Variants in HP1BP3 observed in about 807,000 individuals in gnomAD.
The protein encoded by HP1BP3 is heterochromatin protein 1-binding protein 3.
A neutral mutation model predicts 62.5 loss-of-function variants in HP1BP3; 12 were observed. The observed-to-expected ratio is 0.19, with a 90% CI of 0.12 to 0.31. The LOEUF (loss-of-function observed/expected upper bound fraction) is 0.31. Ranked by LOEUF, HP1BP3 falls within the 10% of genes least tolerant of loss-of-function variation. The pLI is 1.00. For missense variants in HP1BP3, 502 were observed against 651.8 expected (o/e 0.77, Z 2.50); for synonymous variants, 260 against 237.8 (o/e 1.09, Z -0.86).
Position 20,744,613 on chromosome 1 carries a change from G to A in HP1BP3, c.*184C>T. The A allele has an allele frequency of 1.7e-6, 1 of 593,764 alleles. No homozygotes were observed. Among genetic ancestry groups the A allele is most frequent in the South Asian group, 2.2e-5 (1 of 46,482 alleles). The allele number at this position is 593,764 out of a possible 1,614,324, so 36.8% of individuals were successfully genotyped here. On this transcript the variant is annotated 3_prime_UTR_variant, in exon 13 of 13. Coordinates refer to ENST00000438032, the MANE Select transcript of HP1BP3 (RefSeq NM_001372052.1). Reference sequence around the variant, plus strand: ...ATTAAAATGAACAAGGAAAAGGGCAGGCACCAATAAAAGCACCTAAAGCTA... The same window carrying A: ...ATTAAAATGAACAAGGAAAAGGGCAAGCACCAATAAAAGCACCTAAAGCTA...
chr1:20,747,864 A>G (rs930960019), intron 10 of HP1BP3, among the ~76,000 whole-genome samples: 27 of 152,184 alleles, frequency 1.8e-4, no homozygotes, highest in Non-Finnish European at 3.7e-4. Flanking sequence ...ACATACATAC[A>G]TACATATATC....
intron 8 of HP1BP3, among the ~76,000 whole-genome samples, chr1:20,762,690 T>C (rs577975338): frequency 4.6e-5 from 7 of 152,212 alleles, no homozygotes; most frequent in African/African-American, 1.2e-4. Context: ...GCCCCCTCCC[T>C]GATTTGAGTT....
At chr1:20,760,492 G>A (rs990691197) in intron 8 of HP1BP3, among the ~76,000 whole-genome samples, 2 of 151,804 alleles carry the variant, frequency 1.3e-5, no homozygotes, top group East Asian at 1.9e-4. Flanking sequence ...CATGAGCCAC[G>A]ATCTTGCCAC....
intron 8 of HP1BP3, among the ~76,000 whole-genome samples, chr1:20,765,175 T>TAAAAAAAAAAAA (rs4057761): frequency 1.7e-5 from 1 of 57,314 alleles, no homozygotes; most frequent in African/African-American, 7.2e-5. Context: ...CTCAAAAAAC[T>TAAAAAAAAAAAA]AAAAAAAAAA....
chr1:20,780,727 G>A (rs1055597018), intron 1 of HP1BP3, among the ~76,000 whole-genome samples, 187 bp from the exon 2 acceptor site: 2 of 152,110 alleles, frequency 1.3e-5, no homozygotes, highest in Non-Finnish European at 2.9e-5. Context: ...CAACTAAGAC[G>A]AATGCATAAG....
intron 10 of HP1BP3, 114 bp from the exon 11 acceptor site, chr1:20,747,769 T>A: frequency 1.5e-6 from 1 of 648,814 alleles, no homozygotes. Context: ...GTAATTGACA[T>A]ACACTAAGTG....
At chr1:20,769,897 AC>A (rs2056975310) in intron 6 of HP1BP3, among the ~76,000 whole-genome samples, 1 of 152,204 alleles carries the variant, frequency 6.6e-6, no homozygotes, top group South Asian at 2.1e-4. Context: ...CCTGAGTGGC[AC>A]AGAATTCTGT....
chr1:20,782,676 T>C (rs1027085856), intron 1 of HP1BP3, among the ~76,000 whole-genome samples: 20 of 150,714 alleles, frequency 1.3e-4, no homozygotes, highest in South Asian at 8.4e-4. Context: ...CCGAGGCGGA[T>C]AGATCACAAG....
At chr1:20,758,488 A>G (rs775422820) in intron 8 of HP1BP3, among the ~76,000 whole-genome samples, 45 of 152,222 alleles carry the variant, frequency 3.0e-4, no homozygotes, top group Non-Finnish European at 4.9e-4. Flanking sequence ...CTGGGACTAC[A>G]GGCGCGTGCC....
intron 8 of HP1BP3, among the ~76,000 whole-genome samples, chr1:20,763,531 T>C (rs762485420): frequency 2.0e-5 from 3 of 152,242 alleles, no homozygotes; most frequent in African/African-American, 4.8e-5. Context: ...AAGTAAATAC[T>C]GGTACTACAC....
chr1:20,776,890 C>T (rs975854735), intron 3 of HP1BP3, 140 bp from the exon 4 acceptor site: 7 of 639,002 alleles, frequency 1.1e-5, no homozygotes, highest in African/African-American at 9.4e-5. Flanking sequence ...TGAATGACCA[C>T]TAATGCAGTT....
chr1:20,758,091 A>G (rs1024292359), intron 8 of HP1BP3, among the ~76,000 whole-genome samples: 2 of 152,270 alleles, frequency 1.3e-5, no homozygotes, highest in Non-Finnish European at 1.5e-5. Flanking sequence ...GGTTGCAGTG[A>G]GCTGAGACCA....
At chr1:20,772,929 T>C (rs1399578480) in intron 5 of HP1BP3, among the ~76,000 whole-genome samples, 2 of 152,210 alleles carry the variant, frequency 1.3e-5, no homozygotes, top group Non-Finnish European at 2.9e-5. Flanking sequence ...GTCTAGGTAA[T>C]AAAGCAGTGT....
rs773086517 is a variant in HP1BP3, at chr1:20,745,120, A to G, written c.1368-29T>C. On this transcript the variant is annotated intron_variant, in intron 12 of 12. Transcript: ENST00000438032. The stretch of plus-strand genomic sequence containing the variant: ...TGAGAACCAAAGAGCAAAGGCCGTC[A>G]TTTAGTACTTAAGAGATTCGTTTTG... The G allele has an allele frequency of 1.9e-6, 3 of 1,577,860 alleles. No homozygotes were observed. The Admixed American group carries it at 5.8e-5, about 30-fold the overall frequency.
At chr1:20,776,539 T>C in intron 4 of HP1BP3, 58 bp downstream of exon 4, 1 of 1,456,282 alleles carries the variant, frequency 6.9e-7, no homozygotes. Flanking sequence ...AACAATCTAA[T>C]CTAAAGTCCT....
At chr1:20,767,975 TA>T (rs770047751) in intron 6 of HP1BP3, among the ~76,000 whole-genome samples, 1 of 151,992 alleles carries the variant, frequency 6.6e-6, no homozygotes, top group South Asian at 2.1e-4. Flanking sequence ...CAAAATGAAA[TA>T]AAAAATCAAA....
In HP1BP3 at chr1:20,740,926, A is replaced by G. The variant is rs1036077160; in HGVS notation, c.*3871T>C. Among the ~76,000 whole-genome samples, 1 of 152,252 alleles carries G rather than the reference A, an allele frequency of 6.6e-6. No homozygotes were observed. The highest frequency in any genetic ancestry group is 2.4e-5 in the African/African-American group (1 of 41,468). ...TGTTTAACCATCTGTAATGGCTTCT[A>G]AACAAATCTTTGTCAAGTGGTTCCT... On this transcript the variant is annotated 3_prime_UTR_variant, in exon 13 of 13. Coordinates refer to ENST00000438032, the MANE Select transcript of HP1BP3 (RefSeq NM_001372052.1).
intron 8 of HP1BP3, 114 bp from the exon 9 acceptor site, chr1:20,757,370 T>TTAA: frequency 5.2e-6 from 2 of 382,352 alleles, no homozygotes; most frequent in Non-Finnish European, 7.9e-6. Flanking sequence ...ATTATTATTA[T>TTAA]TATTTTTTTT....
chr1:20,782,184 C>A (rs1187541972), intron 1 of HP1BP3, among the ~76,000 whole-genome samples: 3 of 152,116 alleles, frequency 2.0e-5, no homozygotes, highest in Non-Finnish European at 4.4e-5. Flanking sequence ...ATGCCTGCAA[C>A]CCCAGCACTT....
Sources: allele counts gnomAD v4.1 joint callset (sites outside exome capture counted in the v4.1 genomes callset), GRCh38; gene constraint gnomAD v4.1.1; transcripts MANE v1.5; gene names NCBI Gene and HGNC (gene_info 2026-07-23, HGNC 2026-07-21).